DYNLT2: variants seen among roughly 807,000 people sequenced by gnomAD.
DYNLT2 encodes dynein light chain Tctex-type 2, also known as dynein light chain Tctex-type protein 2.
DYNLT2 carries 24 observed loss-of-function variants against 24.3 expected under a neutral mutation model. That is an observed-to-expected ratio of 0.99 (90% CI 0.71 to 1.39). The LOEUF is 1.39. Ranked by LOEUF, DYNLT2 falls within the 40% of genes most tolerant of loss-of-function variation. The pLI is 0.00. For missense variants in DYNLT2, 246 were observed against 234.5 expected (o/e 1.05, Z -0.32); for synonymous variants, 85 against 85.4 (o/e 1.00, Z 0.03).
chr6:169,751,228 G>A, intron 1 of DYNLT2, 111 bp downstream of exon 1: 1 of 1,462,218 alleles, frequency 6.8e-7, no homozygotes, highest in Non-Finnish European at 9.1e-7. Context: ...AAAGGGAGAT[G>A]CTGCCTCCTT....
the DYNLT2 span, among the ~76,000 whole-genome samples, chr6:169,727,229 TG>T: frequency 6.6e-5 from 10 of 152,186 alleles, no homozygotes; most frequent in African/African-American, 2.2e-4. Flanking sequence ...GCCTAGGAAT[TG>T]GAGCCAGAGT....
At chr6:169,741,502 TCA>T (rs1253859175) in intron 3 of DYNLT2, among the ~76,000 whole-genome samples, 3 of 152,290 alleles carry the variant, frequency 2.0e-5, no homozygotes, top group Admixed American at 6.5e-5. Flanking sequence ...CTGAGCTGAC[TCA>T]CAGAAAGTAA....
At chr6:169,737,672 A>T (rs975252654), downstream of DYNLT2, among the ~76,000 whole-genome samples, 1 of 152,172 alleles carries the variant, frequency 6.6e-6, no homozygotes, top group Non-Finnish European at 1.5e-5. Context: ...AGCAGCAAAG[A>T]TGGGTGCCTG....
the DYNLT2 span, among the ~76,000 whole-genome samples, chr6:169,732,068 T>C: frequency 6.6e-6 from 1 of 152,320 alleles, no homozygotes; most frequent in South Asian, 2.1e-4. Context: ...ATGACATATT[T>C]CATAGGTTAT....
the DYNLT2 span, among the ~76,000 whole-genome samples, chr6:169,734,006 G>A: frequency 7.9e-4 from 120 of 152,208 alleles, no homozygotes; most frequent in Non-Finnish European, 1.4e-3. Context: ...CACATCCCTT[G>A]TTATCTCTAT....
chr6:169,735,671 T>C (rs1428969580), downstream of DYNLT2, among the ~76,000 whole-genome samples: 1 of 152,234 alleles, frequency 6.6e-6, no homozygotes. Flanking sequence ...TTTCAGTTCT[T>C]TTGCATTTGC....
rs145231238 is a variant in DYNLT2 at position 169,744,245 on chromosome 6, T to C, written c.150A>G (p.Arg50=). Residue 50 remains arginine, a synonymous_variant, in exon 2 of 4, where the codon AGA becomes AGG. Transcript: ENST00000366774. ...CATACTGAACATTGTGAATTGACTC[T>C]CTCAGTCTTTCTCTTAAAATCTGTG... ...AYTQILRERL[R]ESIHNVQYVE... The C allele has an allele frequency of 1.2e-6, 2 of 1,613,396 alleles. No homozygotes were observed. The highest frequency in any genetic ancestry group is 1.3e-5 in the African/African-American group (1 of 74,904).
At chr6:169,737,496 G>A (rs551703647), downstream of DYNLT2, among the ~76,000 whole-genome samples, 1 of 152,040 alleles carries the variant, frequency 6.6e-6, no homozygotes, top group Non-Finnish European at 1.5e-5. Flanking sequence ...CCTTAGATGG[G>A]GTTTTTGTGG....
downstream of DYNLT2, among the ~76,000 whole-genome samples, chr6:169,736,307 C>CCA (rs1789561954): frequency 9.9e-5 from 15 of 152,202 alleles, no homozygotes; most frequent in South Asian, 3.1e-3. Flanking sequence ...TGGCATTCAG[C>CCA]CCATTTACAT....
At chr6:169,747,774 T>C (rs766912389) in intron 1 of DYNLT2, among the ~76,000 whole-genome samples, 72 of 152,332 alleles carry the variant, frequency 4.7e-4, no homozygotes, top group Non-Finnish European at 8.7e-4. Context: ...TCTGGGCTGT[T>C]TTTACTGCTT....
At chr6:169,725,460 C>T in the DYNLT2 span, 1 of 397,470 alleles carries the variant, frequency 2.5e-6, no homozygotes, top group Non-Finnish European at 4.4e-6. Context: ...GCCGGGCCCT[C>T]AAGCCGATCC....
At chr6:169,740,412 GA>G in intron 3 of DYNLT2, 117 bp from the exon 4 acceptor site, 1 of 651,870 alleles carries the variant, frequency 1.5e-6, no homozygotes, top group Non-Finnish European at 2.7e-6. Context: ...TTATTTTTAA[GA>G]TGTAATTTGT....
At chr6:169,725,882 C>T in the DYNLT2 span, 1 of 152,298 alleles carries the variant, frequency 6.6e-6, no homozygotes, top group African/African-American at 2.4e-5. Flanking sequence ...ATTTGCGCAG[C>T]AACTGCCTGT....
intron 3 of DYNLT2, among the ~76,000 whole-genome samples, chr6:169,741,480 A>T (rs1007407652): frequency 1.3e-5 from 2 of 152,224 alleles, no homozygotes; most frequent in African/African-American, 2.4e-5. Context: ...AAAGCCAAGT[A>T]GCTGACCCAG....
the DYNLT2 span, among the ~76,000 whole-genome samples, chr6:169,730,443 G>C: frequency 2.6e-5 from 4 of 152,180 alleles, no homozygotes; most frequent in Admixed American, 6.5e-5. Context: ...ACTCCTGGCT[G>C]TAAGTCATCA....
downstream of DYNLT2, among the ~76,000 whole-genome samples, chr6:169,736,607 A>C (rs996344214): frequency 6.6e-6 from 1 of 152,170 alleles, no homozygotes; most frequent in African/African-American, 2.4e-5. Context: ...TTCTGGGTTG[A>C]AAATTATTTT....
At chr6:169,730,458 T>C in the DYNLT2 span, among the ~76,000 whole-genome samples, 1 of 152,044 alleles carries the variant, frequency 6.6e-6, no homozygotes, top group Non-Finnish European at 1.5e-5. Context: ...TCATCAAAGA[T>C]TGAGAGGAAA....
chr6:169,730,983 C>T, the DYNLT2 span, among the ~76,000 whole-genome samples: 2 of 151,988 alleles, frequency 1.3e-5, no homozygotes, highest in Non-Finnish European at 2.9e-5. Flanking sequence ...TTTATAGGAT[C>T]GTGGTGAAGT....
downstream of DYNLT2, among the ~76,000 whole-genome samples, chr6:169,735,976 G>T (rs1789552858): frequency 6.6e-6 from 1 of 152,046 alleles, no homozygotes. Flanking sequence ...TCCAGTATTG[G>T]GTACATATAT....
Sources: allele counts gnomAD v4.1 joint callset (sites outside exome capture counted in the v4.1 genomes callset), GRCh38; gene constraint gnomAD v4.1.1; transcripts MANE v1.5; gene names NCBI Gene and HGNC (gene_info 2026-07-23, HGNC 2026-07-21).